The following AOPEP variants were observed in gnomAD, a reference collection of about 807,000 sequenced individuals.
AOPEP encodes aminopeptidase O (putative).
A neutral mutation model predicts 98.1 loss-of-function variants in AOPEP; 77 were observed. That is an observed-to-expected ratio of 0.78 (90% CI 0.65 to 0.95). The LOEUF (loss-of-function observed/expected upper bound fraction) is 0.95. Among genes scored for constraint, AOPEP ranks in the 40% least tolerant of loss-of-function variants. AOPEP has a pLI of 0.00. For missense variants in AOPEP, 1,024 were observed against 1,024.7 expected (o/e 1.00, Z 0.01); for synonymous variants, 346 against 365.3 (o/e 0.95, Z 0.60).
At chr9:95,136,738 C>A in the AOPEP span, among the ~76,000 whole-genome samples, 1 of 152,208 alleles carries the variant, frequency 6.6e-6, no homozygotes, top group Non-Finnish European at 1.5e-5. Flanking sequence ...CCTGCCTTGG[C>A]CTCCCAAAAT....
At chr9:94,926,913 G>C (rs2054436643) in intron 6 of AOPEP, among the ~76,000 whole-genome samples, 1 of 152,204 alleles carries the variant, frequency 6.6e-6, no homozygotes, top group South Asian at 2.1e-4. Flanking sequence ...AGGTTGGATG[G>C]TGTAACTTGT....
the AOPEP span, among the ~76,000 whole-genome samples, chr9:95,149,715 G>A: frequency 6.6e-6 from 1 of 152,112 alleles, no homozygotes; most frequent in Non-Finnish European, 1.5e-5. Flanking sequence ...CTGACCTCAG[G>A]TGATCCACCC....
rs1432767589 is a variant in AOPEP at position 94,979,379 on chromosome 9, TG to T, written c.1930del (p.Val644LeufsTer44). The T allele has an allele frequency of 6.2e-7, 1 of 1,602,050 alleles. No homozygotes were observed. Among genetic ancestry groups the T allele is most frequent in the South Asian group, 1.1e-5 (1 of 89,450 alleles). On this transcript the variant is annotated frameshift_variant, in exon 11 of 17. Transcript: ENST00000375315. LOFTEE classifies it high-confidence loss of function. ...TTTATTTCTAAAGGCTTGAGCTGTC[TG>T]TTGAAAACATCTACCAAGACTGGCT... ...IPEEKRLELSVENIYQDWLES... is the reference protein window; with the variant it reads ...IPEEKRLELSXENIYQDWLES...
At chr9:94,927,338 G>C (rs1208560864) in intron 6 of AOPEP, among the ~76,000 whole-genome samples, 1 of 152,218 alleles carries the variant, frequency 6.6e-6, no homozygotes, top group Admixed American at 6.5e-5. Flanking sequence ...ATTTTGTGGA[G>C]ACACAGTTTA....
the AOPEP span, among the ~76,000 whole-genome samples, chr9:95,143,854 T>C: frequency 6.6e-6 from 1 of 152,128 alleles, no homozygotes; most frequent in Non-Finnish European, 1.5e-5. Context: ...GGGACAGACA[T>C]GAAAAGTTGA....
chr9:95,125,085 C>CCTG, the AOPEP span: 1 of 1,613,634 alleles, frequency 6.2e-7, no homozygotes, highest in Non-Finnish European at 8.5e-7. Flanking sequence ...ATATAACAAA[C>CCTG]CTGCTTGCTT....
At chr9:94,757,030 A>C (rs75168736) in intron 1 of AOPEP, among the ~76,000 whole-genome samples, 4,907 of 152,262 alleles carry the variant, frequency 0.032, 269 homozygotes, top group African/African-American at 0.11. Context: ...TTCTTGCTAC[A>C]TTCAGAATCT....
chr9:94,800,163 A>G (rs996817751), intron 4 of AOPEP, among the ~76,000 whole-genome samples: 1 of 152,186 alleles, frequency 6.6e-6, no homozygotes, highest in Non-Finnish European at 1.5e-5. Context: ...GTGCCTCTGT[A>G]TTCCTTAATA....
At chr9:94,773,273 G>C in intron 3 of AOPEP, 105 bp downstream of exon 3, 1 of 1,063,128 alleles carries the variant, frequency 9.4e-7, no homozygotes, top group Non-Finnish European at 1.4e-6. Flanking sequence ...TTTATTAGTT[G>C]GGTTGGAAAT....
At chr9:95,102,878 C>A in the AOPEP span, among the ~76,000 whole-genome samples, 11 of 152,236 alleles carry the variant, frequency 7.2e-5, no homozygotes, top group African/African-American at 2.2e-4. Flanking sequence ...TCGGCCCCCC[C>A]TGGCAGCACA....
intron 5 of AOPEP, among the ~76,000 whole-genome samples, chr9:94,812,898 C>A (rs765515646): frequency 3.9e-5 from 6 of 151,914 alleles, no homozygotes; most frequent in Non-Finnish European, 8.8e-5. Flanking sequence ...GCTGAAGCAC[C>A]AAATATAATT....
intron 16 of AOPEP, among the ~76,000 whole-genome samples, chr9:95,083,590 C>T (rs1414662779): frequency 6.6e-6 from 1 of 151,102 alleles, no homozygotes; most frequent in Admixed American, 6.6e-5. Flanking sequence ...ACAGAGCACA[C>T]ACAGCACATG....
At chr9:94,792,520 C>A (rs1000178992) in intron 3 of AOPEP, among the ~76,000 whole-genome samples, 3 of 152,100 alleles carry the variant, frequency 2.0e-5, no homozygotes, top group African/African-American at 4.8e-5. Context: ...ACCACCCTCA[C>A]GTGAAGGGCT....
chr9:94,868,538 G>T (rs766945908), intron 5 of AOPEP, among the ~76,000 whole-genome samples: 2 of 152,170 alleles, frequency 1.3e-5, no homozygotes, highest in Non-Finnish European at 2.9e-5. Flanking sequence ...CACATAATTT[G>T]TGTGTCCCAT....
chr9:95,107,307 A>C, the AOPEP span: 2 of 1,594,788 alleles, frequency 1.3e-6, no homozygotes, highest in Non-Finnish European at 1.7e-6. Flanking sequence ...GGTTAGGAAG[A>C]GGCAGGACAG....
chr9:94,792,736 C>T (rs535934962), intron 3 of AOPEP, 29 bp from the exon 4 acceptor site: 3 of 1,562,508 alleles, frequency 1.9e-6, no homozygotes, highest in African/African-American at 2.7e-5. Context: ...ATATTGGCCT[C>T]ATTATGGTTT....
intron 5 of AOPEP, chr9:94,921,088 CAAGA>C (rs2053553265): frequency 7.3e-6 from 1 of 136,192 alleles, no homozygotes; most frequent in Admixed American, 7.1e-5. Context: ...AAAAAAAAGA[CAAGA>C]AAGAAACGTT....
At chr9:95,133,420 G>A in the AOPEP span, among the ~76,000 whole-genome samples, 491 of 152,334 alleles carry the variant, frequency 3.2e-3, 2 homozygotes, top group African/African-American at 0.011. Context: ...ACATGATCCC[G>A]ATAAAAGCTT....
chr9:94,971,865 G>C (rs930953504), intron 10 of AOPEP, among the ~76,000 whole-genome samples: 2 of 152,190 alleles, frequency 1.3e-5, no homozygotes, highest in Admixed American at 1.3e-4. Context: ...GCTCTGCTGA[G>C]GTTCAGAGTC....
Sources: gnomAD v4.1 joint callset for allele counts (sites outside exome capture counted in the v4.1 genomes callset) on GRCh38, gnomAD v4.1.1 for gene constraint, MANE v1.5 for transcripts, NCBI Gene and HGNC (gene_info 2026-07-23, HGNC 2026-07-21) for gene names.